The following VSTM2A variants were observed in gnomAD, a reference collection of about 807,000 sequenced individuals.
VSTM2A encodes the protein V-set and transmembrane domain-containing protein 2A.
In VSTM2A, 13 loss-of-function variants were observed where a neutral mutation model predicts 27.3. That is an observed-to-expected ratio of 0.48 (90% CI 0.31 to 0.76). The LOEUF is 0.76. Among genes scored for constraint, VSTM2A ranks in the 30% least tolerant of loss-of-function variants. The pLI is 0.05. For missense variants in VSTM2A, 280 were observed against 310.0 expected, an observed-to-expected ratio of 0.90 and a Z score of 0.73; for synonymous variants, 142 against 125.7, an observed-to-expected ratio of 1.13 and a Z score of -0.87.
intron 1 of VSTM2A, among the ~76,000 whole-genome samples, chr7:54,543,739 G>T (rs1413161195): frequency 6.6e-6 from 1 of 152,134 alleles, no homozygotes; most frequent in Non-Finnish European, 1.5e-5. Flanking sequence ...TGCTTTTAGG[G>T]AACCATCAGC....
intron 4 of VSTM2A, chr7:54,554,162 G>T (rs557181551): frequency 1.3e-6 from 2 of 1,508,800 alleles, no homozygotes; most frequent in Non-Finnish European, 1.8e-6. Context: ...CTCACATCTC[G>T]TCCTTCCCAG....
intron 4 of VSTM2A, among the ~76,000 whole-genome samples, chr7:54,556,549 A>C (rs1788366998): frequency 6.6e-6 from 1 of 152,204 alleles, no homozygotes; most frequent in South Asian, 2.1e-4. Flanking sequence ...CTTACCGCTG[A>C]TTTTTGTTTA....
chr7:54,548,249 T>C (rs1270587276), intron 3 of VSTM2A, among the ~76,000 whole-genome samples: 5 of 152,188 alleles, frequency 3.3e-5, no homozygotes, highest in African/African-American at 1.2e-4. Flanking sequence ...TTGAGAAACA[T>C]GATTACACAC....
In VSTM2A at chr7:54,569,400, C is replaced by A; in HGVS notation, c.*181C>A. The A allele has an allele frequency of 9.2e-7, 1 of 1,083,610 alleles. No homozygotes were observed. The highest frequency in any genetic ancestry group is 1.3e-6 in the Non-Finnish European group (1 of 779,770). The allele number at this position is 1,083,610 out of a possible 1,614,324, so 67.1% of individuals were successfully genotyped here. On this transcript the variant is annotated 3_prime_UTR_variant, in exon 5 of 5. Transcript: ENST00000402613. ...TCCCTTTTCTTTCGGCGACTAAAAT[C>A]ATCTCACTGACTGCTCAAGGGTTGG...
chr7:54,553,800 C>T, intron 4 of VSTM2A: 1 of 1,542,430 alleles, frequency 6.5e-7, no homozygotes, highest in African/African-American at 1.4e-5. Flanking sequence ...CAACGCCCCT[C>T]CACCATGCCC....
intron 2 of VSTM2A, among the ~76,000 whole-genome samples, chr7:54,545,198 A>T (rs952085073): frequency 1.5e-4 from 22 of 150,904 alleles, no homozygotes; most frequent in African/African-American, 5.1e-4. Flanking sequence ...ACCAGGCACC[A>T]TCTGGGACCG....
In VSTM2A at chr7:54,542,729, G is replaced by A. The variant is rs766339916; in HGVS notation, c.-2G>A. The A allele has an allele frequency of 3.1e-6, 5 of 1,613,032 alleles. No homozygotes were observed. The highest frequency in any genetic ancestry group is 1.7e-6 in the Non-Finnish European group (2 of 1,179,526). ...CTGATGTGACCCCCCTCCCTTTTTG[G>A]AATGATGGGGATCTTTTTGGTGTAT... is the stretch of plus-strand genomic sequence containing the variant. On this transcript the variant is annotated 5_prime_UTR_variant, in exon 1 of 5. Coordinates refer to ENST00000402613, the MANE Select transcript of VSTM2A (RefSeq NM_001301009.2).
chr7:54,549,010 TATATATAATATAGG>T, intron 3 of VSTM2A, among the ~76,000 whole-genome samples: 2 of 149,976 alleles, frequency 1.3e-5, no homozygotes, highest in Admixed American at 6.7e-5. Flanking sequence ...AAGATGCTTA[TATATATAATATAGG>T]ATATATAATA....
At chr7:54,553,899 C>T (rs1788267201) in intron 4 of VSTM2A, 1 of 1,551,274 alleles carries the variant, frequency 6.4e-7, no homozygotes, top group Non-Finnish European at 8.7e-7. Context: ...CAAACATCTC[C>T]ACAGACCACC....
rs1787892329 is a variant in VSTM2A, at chr7:54,544,807, C to T, written c.246+19C>T. 1.3e-6 allele frequency: 2 copies of T among 1,580,310 alleles called. No individual in the cohort carries two copies. The highest frequency in any genetic ancestry group is 1.7e-6 in the Non-Finnish European group (2 of 1,163,518). On this transcript the variant is annotated intron_variant, in intron 2 of 4. Coordinates refer to ENST00000402613, the MANE Select transcript of VSTM2A (RefSeq NM_001301009.2). ...CGCGCAGGTAGCGGAGCCCGCCGAC[C>T]CCGCGTCTCCCCTTCGCTCGCCCGG...
At chr7:54,553,763 G>A in intron 4 of VSTM2A, 1 of 1,471,292 alleles carries the variant, frequency 6.8e-7, no homozygotes, top group South Asian at 1.3e-5. Flanking sequence ...AGTGGTTTAG[G>A]TCCCTCTTCG....
Position 54,550,057 on chromosome 7 carries a change from A to T in VSTM2A, c.521A>T (p.Lys174Met). ...PMWLQDMKPR[K>M]NVSAAIPSSI... Reference sequence around the variant, plus strand: ...TGGCTGCAGGATATGAAGCCCCGCAAGAACGTCTCCGCAGCCATCCCCAGC... The same window carrying T: ...TGGCTGCAGGATATGAAGCCCCGCATGAACGTCTCCGCAGCCATCCCCAGC... The change falls in exon 4 of 5, where the codon AAG (lysine) becomes ATG (methionine). Residue 174 changes from lysine to methionine, a missense_variant. Transcript: ENST00000402613. 6.2e-7 allele frequency: 1 copy of T among 1,609,866 alleles called. No individual in the cohort carries two copies. Among genetic ancestry groups the T allele is most frequent in the Non-Finnish European group, 8.5e-7 (1 of 1,178,070 alleles).
chr7:54,547,955 G>A (rs1158109074), intron 3 of VSTM2A, among the ~76,000 whole-genome samples: 2 of 152,038 alleles, frequency 1.3e-5, no homozygotes, highest in African/African-American at 4.8e-5. Context: ...AAATGACAAA[G>A]ATGAAATATC....
At chr7:54,548,041 A>G (rs1265978147) in intron 3 of VSTM2A, among the ~76,000 whole-genome samples, 3 of 152,198 alleles carry the variant, frequency 2.0e-5, no homozygotes, top group Non-Finnish European at 2.9e-5. Flanking sequence ...TATCACAGAA[A>G]CTGTTGTTTT....
At position 54,570,534 on chromosome 7, in the gene VSTM2A, A is replaced by T. The variant is rs1263847868; in HGVS notation, c.*1315A>T. ...GGTTGTTGGCTAAATACAATATGCA[A>T]AAGATGATGGCAGGTCCCCGACTAA... is the stretch of plus-strand genomic sequence containing the variant. On this transcript the variant is annotated 3_prime_UTR_variant, in exon 5 of 5. Coordinates refer to ENST00000402613, the MANE Select transcript of VSTM2A (RefSeq NM_001301009.2). 1 of 152,218 alleles carries T rather than the reference A, an allele frequency of 6.6e-6. No individual in the cohort carries two copies. The highest frequency in any genetic ancestry group is 2.4e-5 in the African/African-American group (1 of 41,470). 9.4% of individuals were successfully genotyped at this position (152,218 alleles called of 1,614,324 possible).
Position 54,568,679 on chromosome 7 carries a change from T to C in VSTM2A, c.635-452T>C, listed in dbSNP as rs1242557083. ...GCAGTAGGAAAAAAAAAAAGATGTG[T>C]TTTTAGGTACCAGTATAGGAAGAAC... On this transcript the variant is annotated intron_variant, in intron 4 of 4. Transcript: ENST00000402613. Among the ~76,000 whole-genome samples, 4 of 151,416 alleles carry C rather than the reference T, an allele frequency of 2.6e-5. No homozygotes were observed. In the East Asian group the frequency reaches 7.8e-4, roughly 29 times the overall value.
intron 4 of VSTM2A, among the ~76,000 whole-genome samples, chr7:54,567,670 G>C (rs1448441615): frequency 6.6e-6 from 1 of 152,126 alleles, no homozygotes; most frequent in Non-Finnish European, 1.5e-5. Flanking sequence ...TTTGCTTTCA[G>C]CATTTTAAAA....
chr7:54,544,641 G>T lies in VSTM2A; in HGVS notation c.99G>T (p.Pro33=). The T allele has an allele frequency of 6.2e-7, 1 of 1,612,952 alleles. No homozygotes were observed. Among genetic ancestry groups the T allele is most frequent in the Non-Finnish European group, 8.5e-7 (1 of 1,179,856 alleles). ...LSSQAKFTEF[P]RNVTATEGQN... ...TTGCAGCAAAATTTACCGAGTTTCC[G>T]CGGAACGTGACGGCGACCGAGGGGC... The change falls in exon 2 of 5, where the codon CCG becomes CCT. Residue 33 remains proline, a synonymous_variant. Transcript: ENST00000402613.
At chr7:54,555,826 T>A (rs1464619448) in intron 4 of VSTM2A, among the ~76,000 whole-genome samples, 1 of 152,188 alleles carries the variant, frequency 6.6e-6, no homozygotes, top group Non-Finnish European at 1.5e-5. Flanking sequence ...ACCACTACTC[T>A]AGAACTGATC....
Sources: allele counts gnomAD v4.1 joint callset (sites outside exome capture counted in the v4.1 genomes callset), GRCh38; gene constraint gnomAD v4.1.1; transcripts MANE v1.5; gene names NCBI Gene and HGNC (gene_info 2026-07-23, HGNC 2026-07-21).